The following GRIK2 variants were observed in gnomAD, a reference collection of about 807,000 sequenced individuals.
The protein encoded by GRIK2 is glutamate ionotropic receptor kainate type subunit 2.
Under a neutral mutation model 100.3 loss-of-function variants are expected in GRIK2, and 32 were observed. That is an observed-to-expected ratio of 0.32 (90% CI 0.24 to 0.43). GRIK2 has a LOEUF of 0.43. Among genes scored for constraint, GRIK2 ranks in the 20% least tolerant of loss-of-function variants. The pLI is 1.00. For synonymous variants in GRIK2, 417 were observed against 389.4 expected (o/e 1.07, Z -0.83); for missense variants, 843 against 1,114.9 (o/e 0.76, Z 3.47).
At chr6:101,955,596 CT>C (rs1791874510) in intron 14 of GRIK2, among the ~76,000 whole-genome samples, 2 of 149,064 alleles carry the variant, frequency 1.3e-5, no homozygotes, top group Non-Finnish European at 1.5e-5. Flanking sequence ...CTCTCTCTCT[CT>C]CTCTCTCTCT....
chr6:101,666,148 T>C (rs1196237230), intron 4 of GRIK2, among the ~76,000 whole-genome samples: 1 of 152,180 alleles, frequency 6.6e-6, no homozygotes, highest in East Asian at 1.9e-4. Flanking sequence ...CAGAGTGGAC[T>C]GAAAGCTGTT....
rs75192813 is a variant in GRIK2 at position 101,436,765 on chromosome 6, T to C, written c.115+37373T>C. Among the ~76,000 whole-genome samples, 449 of 151,482 alleles carry C rather than the reference T, an allele frequency of 3.0e-3. 1 individual carries two copies. The highest frequency in any genetic ancestry group is 4.1e-3 in the Non-Finnish European group (276 of 67,746). On this transcript the variant is annotated intron_variant, in intron 2 of 16. Coordinates refer to ENST00000369134, the MANE Select transcript of GRIK2 (RefSeq NM_021956.5). ...AGTTTTGGGGAGGATTTGGTAAAAG[T>C]CAATAATGATTTAAAGTTTATTATT...
intron 2 of GRIK2, among the ~76,000 whole-genome samples, chr6:101,583,203 C>A (rs935646894): frequency 6.6e-6 from 1 of 152,030 alleles, no homozygotes; most frequent in African/African-American, 2.4e-5. Context: ...GAAGATAATA[C>A]AGCCAATAAA....
chr6:101,736,247 A>T (rs1419985218), intron 7 of GRIK2, among the ~76,000 whole-genome samples: 1 of 152,074 alleles, frequency 6.6e-6, no homozygotes, highest in African/African-American at 2.4e-5. Flanking sequence ...CTGTCAGTGG[A>T]TCTATCATTC....
intron 5 of GRIK2, among the ~76,000 whole-genome samples, chr6:101,678,953 G>A (rs1468258120): frequency 2.0e-5 from 3 of 152,182 alleles, no homozygotes; most frequent in African/African-American, 7.2e-5. Flanking sequence ...TTGCGGTTGA[G>A]TAGATTTCCT....
At position 101,475,782 on chromosome 6, in the gene GRIK2, A is replaced by C. The variant is rs575303533; in HGVS notation, c.115+76390A>C. ...CAGCCTCAGAATTTAAATCTAAAAA[A>C]GGCGATATTTGTGTGGCTGAGTGGA... On this transcript the variant is annotated intron_variant, in intron 2 of 16. Transcript: ENST00000369134. Among the ~76,000 whole-genome samples the C allele has an allele frequency of 5.3e-5, 8 of 152,184 alleles. No homozygotes were observed. In the South Asian group the frequency reaches 1.7e-3, roughly 32 times the overall value.
At chr6:101,715,729 A>G (rs919266872) in intron 7 of GRIK2, among the ~76,000 whole-genome samples, 2 of 151,772 alleles carry the variant, frequency 1.3e-5, no homozygotes, top group African/African-American at 4.8e-5. Context: ...TGAAGGAAGG[A>G]AAGTGGAAGA....
intron 7 of GRIK2, among the ~76,000 whole-genome samples, chr6:101,720,100 T>A (rs1030203220): frequency 1.3e-5 from 2 of 151,520 alleles, no homozygotes; most frequent in Non-Finnish European, 2.9e-5. Context: ...CGTTTTTTTT[T>A]CTTTCTCCCC....
chr6:101,929,644 C>T (rs2128471988), intron 14 of GRIK2, among the ~76,000 whole-genome samples: 1 of 152,168 alleles, frequency 6.6e-6, no homozygotes, highest in South Asian at 2.1e-4. Context: ...TAAAACATCA[C>T]TGAATTTGGT....
intron 2 of GRIK2, among the ~76,000 whole-genome samples, chr6:101,509,089 C>T (rs1030895419): frequency 2.8e-5 from 4 of 141,886 alleles, no homozygotes; most frequent in African/African-American, 8.0e-5. Context: ...ACCAGGGAGG[C>T]GGAGCTTGCA....
At chr6:101,621,874 C>A in intron 2 of GRIK2, 75 bp from the exon 3 acceptor site, 1 of 1,011,618 alleles carries the variant, frequency 9.9e-7, no homozygotes, top group South Asian at 1.3e-5. Context: ...CAGAAAACTT[C>A]TGATATTTTC....
chr6:101,633,621 T>A (rs1167234994), intron 4 of GRIK2, among the ~76,000 whole-genome samples: 1 of 152,166 alleles, frequency 6.6e-6, no homozygotes, highest in Non-Finnish European at 1.5e-5. Flanking sequence ...TTGATGCTTG[T>A]TTATTATAGG....
chr6:101,590,224 T>A (rs1412064571), intron 2 of GRIK2, among the ~76,000 whole-genome samples: 2 of 152,116 alleles, frequency 1.3e-5, no homozygotes, highest in African/African-American at 4.8e-5. Context: ...CAGCTCCAAA[T>A]CTACTCTTCT....
chr6:101,964,853 T>C lies in GRIK2; in HGVS notation c.2085+36221T>C, dbSNP rs186171705. ...AGGACAGTTCTCTGTCTCCAGGTCA[T>C]GCAAGGCAGAAATGTAGAGTCAGGC... is the stretch of plus-strand genomic sequence containing the variant. On this transcript the variant is annotated intron_variant, in intron 14 of 16. Transcript: ENST00000369134. 2.6e-5 allele frequency among the ~76,000 whole-genome samples: 4 copies of C among 152,258 alleles called. No homozygotes were observed. The East Asian group carries it at 7.7e-4, about 29-fold the overall frequency.
chr6:101,779,494 GCAAAA>G (rs1433633427), intron 7 of GRIK2, among the ~76,000 whole-genome samples: 1 of 152,120 alleles, frequency 6.6e-6, no homozygotes, highest in East Asian at 1.9e-4. Context: ...TTAAAGGTTT[GCAAAA>G]CAAAACAAGT....
At chr6:101,638,258 G>A (rs1781117899) in intron 4 of GRIK2, among the ~76,000 whole-genome samples, 1 of 149,800 alleles carries the variant, frequency 6.7e-6, no homozygotes. Flanking sequence ...CTAGGTACCG[G>A]AGATATATAA....
chr6:101,454,045 C>T (rs904080916), intron 2 of GRIK2, among the ~76,000 whole-genome samples: 3 of 152,036 alleles, frequency 2.0e-5, no homozygotes, highest in African/African-American at 7.2e-5. Context: ...GCTGAATTCA[C>T]ACCCTTTGAA....
At chr6:101,995,739 A>T (rs1794618982) in intron 14 of GRIK2, among the ~76,000 whole-genome samples, 1 of 151,842 alleles carries the variant, frequency 6.6e-6, no homozygotes, top group South Asian at 2.1e-4. Context: ...TGTGAATGGC[A>T]CATAATCTTT....
intron 14 of GRIK2, among the ~76,000 whole-genome samples, chr6:101,948,703 A>C (rs1016218361): frequency 6.6e-6 from 1 of 151,988 alleles, no homozygotes; most frequent in East Asian, 1.9e-4. Flanking sequence ...CTGAACTCTT[A>C]GGCTAAAGTG....
Sources: gnomAD v4.1 joint callset for allele counts (sites outside exome capture counted in the v4.1 genomes callset) on GRCh38, gnomAD v4.1.1 for gene constraint, MANE v1.5 for transcripts, NCBI Gene and HGNC (gene_info 2026-07-23, HGNC 2026-07-21) for gene names.